RBM28: variants seen among roughly 807,000 people sequenced by gnomAD.
RBM28 encodes RNA binding motif protein 28.
Under a neutral mutation model 98.3 loss-of-function variants are expected in RBM28, and 78 were observed. That is an observed-to-expected ratio of 0.79 (90% CI 0.66 to 0.96). The LOEUF (loss-of-function observed/expected upper bound fraction) is 0.96, where lower values mean the gene tolerates loss of function less well. RBM28 is among the 40% of genes least tolerant of loss of function. The pLI is 0.00. For synonymous variants in RBM28, 306 were observed against 330.9 expected (o/e 0.92, Z 0.82); for missense variants, 838 against 913.0 (o/e 0.92, Z 1.06).
rs1430829479 is a variant in RBM28, at chr7:128,309,814, G to A, written c.*983C>T. The A allele has an allele frequency of 6.6e-6, 1 of 152,214 alleles. No homozygotes were observed. The highest frequency in any genetic ancestry group is 1.5e-5 in the Non-Finnish European group (1 of 68,126). The allele number at this position is 152,214 out of a possible 1,614,324, so 9.4% of individuals were successfully genotyped here. ...AAGGGAAAAACTCTCCAGGCAAAGG[G>A]AACGGATACAAAGGCTCTGAGGTGG... On this transcript the variant is annotated 3_prime_UTR_variant, in exon 19 of 19. Coordinates refer to ENST00000223073, the MANE Select transcript of RBM28 (RefSeq NM_018077.3).
intron 9 of RBM28, among the ~76,000 whole-genome samples, chr7:128,331,393 C>A (rs1418575836): frequency 6.6e-6 from 1 of 151,646 alleles, no homozygotes; most frequent in African/African-American, 2.4e-5. Flanking sequence ...CACCTAGGGC[C>A]CCAGAACTGC....
chr7:128,343,204 G>A lies in RBM28; in HGVS notation c.118+472C>T, dbSNP rs544727172. On this transcript the variant is annotated intron_variant, in intron 1 of 18. Coordinates refer to ENST00000223073, the MANE Select transcript of RBM28 (RefSeq NM_018077.3). ...TGAATGAACAAGTGGATAGCATCCT[G>A]GCTAAGATGTCCAGGTCTGAGGATC... is the stretch of plus-strand genomic sequence containing the variant. Among the ~76,000 whole-genome samples, 19 of 152,290 alleles carry A rather than the reference G, an allele frequency of 1.2e-4. No homozygotes were observed. In the East Asian group the frequency reaches 2.9e-3, roughly 23 times the overall value.
chr7:128,341,549 G>A (rs1165388664), intron 1 of RBM28, among the ~76,000 whole-genome samples: 5 of 152,032 alleles, frequency 3.3e-5, no homozygotes, highest in Admixed American at 1.3e-4. Flanking sequence ...CCTCCCTCCC[G>A]TTTCACTGAG....
At chr7:128,331,563 A>AT (rs1400169111) in intron 9 of RBM28, among the ~76,000 whole-genome samples, 2 of 152,132 alleles carry the variant, frequency 1.3e-5, no homozygotes, top group Non-Finnish European at 2.9e-5. Flanking sequence ...TTAATTAGCC[A>AT]TTTTTTCCTC....
intron 10 of RBM28, among the ~76,000 whole-genome samples, chr7:128,329,747 G>A (rs1796432316): frequency 6.6e-6 from 1 of 151,974 alleles, no homozygotes. Flanking sequence ...AAATTAGCCG[G>A]GTGCAGTGGT....
chr7:128,337,359 G>A (rs1448131134), intron 5 of RBM28, among the ~76,000 whole-genome samples, 157 bp from the exon 6 acceptor site: 1 of 152,166 alleles, frequency 6.6e-6, no homozygotes, highest in Non-Finnish European at 1.5e-5. Context: ...CCTAGTCACT[G>A]CCTACTCCTT....
At position 128,337,201 on chromosome 7, in the gene RBM28, G is replaced by T; in HGVS notation, c.543C>A (p.Gly181=). 2 of 1,614,048 alleles carry T rather than the reference G, an allele frequency of 1.2e-6. No individual in the cohort carries two copies. Among genetic ancestry groups the T allele is most frequent in the Non-Finnish European group, 1.7e-6 (2 of 1,179,982 alleles). ...CGGCCCAATCCACAGCCACTGTCCG[G>T]CCTGTCAAGCAGAAAAGTGGCATCA... is the stretch of plus-strand genomic sequence containing the variant. ...LKGMNMKEIK[G]RTVAVDWAVA... is the part of the protein sequence containing the mutation. Residue 181 remains glycine, a splice_region_variant and synonymous_variant, in exon 6 of 19, where the codon GGC becomes GGA. Transcript: ENST00000223073.
At chr7:128,312,708 G>A (rs191111162) in intron 18 of RBM28, among the ~76,000 whole-genome samples, 3 of 152,188 alleles carry the variant, frequency 2.0e-5, no homozygotes, top group Admixed American at 6.5e-5. Context: ...ATTTTTTTCA[G>A]GCAATTTGGC....
chr7:128,323,650 G>T, intron 12 of RBM28, 59 bp from the exon 13 acceptor site: 1 of 1,582,050 alleles, frequency 6.3e-7, no homozygotes, highest in South Asian at 1.1e-5. Flanking sequence ...TGAGCAACAA[G>T]AGGAATGTGA....
intron 8 of RBM28, 131 bp from the exon 9 acceptor site, chr7:128,333,493 T>G (rs568298651): frequency 2.2e-5 from 16 of 731,680 alleles, no homozygotes; most frequent in Non-Finnish European, 3.3e-5. Context: ...CCAGGCGGGC[T>G]GATCACCTGA....
At position 128,318,057 on chromosome 7, in the gene RBM28, T is replaced by C. The variant is rs1796143246; in HGVS notation, c.1613A>G (p.Gln538Arg). The change falls in exon 15 of 19, where the codon CAG becomes CGG. Residue 538 changes from glutamine to arginine, a missense_variant. Transcript: ENST00000223073. ...CTCCGCAAAGGCGTAGCCCAGGGAC[T>C]GACCCTTCATGTTCCCATGAACTCC... The part of the protein sequence containing the change: ...LKGVHGNMKG[Q>R]SLGYAFAEFQ... 2 of 1,613,866 alleles carry C rather than the reference T, an allele frequency of 1.2e-6. No homozygotes were observed. The highest frequency in any genetic ancestry group is 2.2e-5 in the East Asian group (1 of 44,902).
chr7:128,319,025 C>T (rs1248744357), intron 14 of RBM28, among the ~76,000 whole-genome samples: 2 of 152,186 alleles, frequency 1.3e-5, no homozygotes, highest in Admixed American at 1.3e-4. Flanking sequence ...TCCCTTAAAT[C>T]CTTAAGCCAG....
At position 128,303,617 on chromosome 7, in the gene RBM28, T is replaced by C. The variant is rs1172735928; in HGVS notation, c.*7180A>G. On this transcript the variant is annotated 3_prime_UTR_variant, in exon 19 of 19. Coordinates refer to ENST00000223073, the MANE Select transcript of RBM28 (RefSeq NM_018077.3). ...CACCCACAGGCAGCTGCTCCAGGTG[T>C]CGTTTAAGGGCTCCAAATTCCTTCC... is the stretch of plus-strand genomic sequence containing the variant. The C allele has an allele frequency of 1.3e-5, 2 of 152,200 alleles. No individual in the cohort carries two copies. Among genetic ancestry groups the C allele is most frequent in the African/African-American group, 4.8e-5 (2 of 41,424 alleles). 9.4% of individuals were successfully genotyped at this position (152,200 alleles called of 1,614,324 possible).
intron 8 of RBM28, 46 bp from the exon 9 acceptor site, chr7:128,333,408 C>A: frequency 6.9e-7 from 1 of 1,450,808 alleles, no homozygotes; most frequent in Non-Finnish European, 9.7e-7. Flanking sequence ...TTAGTGTAAG[C>A]CACATGACAA....
chr7:128,300,883 C>T lies in RBM28; in HGVS notation c.*9914G>A, dbSNP rs1456439530. ...CTTCACAGCGCTCCACCCCTAGGGC[C>T]TGCTTAAATGGCACAGCCAGCTCCT... On this transcript the variant is annotated 3_prime_UTR_variant, in exon 19 of 19. Transcript: ENST00000223073. The T allele has an allele frequency of 1.3e-5, 2 of 152,388 alleles. No homozygotes were observed. Among genetic ancestry groups the T allele is most frequent in the African/African-American group, 4.8e-5 (2 of 41,464 alleles). 9.4% of individuals were successfully genotyped at this position (152,388 alleles called of 1,614,324 possible). A position where few individuals can be genotyped will look rare whatever the true frequency, so the allele number is the denominator to read the frequency against.
At chr7:128,318,176 A>G in intron 14 of RBM28, 70 bp from the exon 15 acceptor site, 1 of 1,447,386 alleles carries the variant, frequency 6.9e-7, no homozygotes, top group South Asian at 1.2e-5. Flanking sequence ...AACTGCTTTA[A>G]TAGAGTCAAT....
intron 12 of RBM28, 94 bp downstream of exon 12, chr7:128,324,465 A>G: frequency 6.4e-7 from 1 of 1,573,934 alleles, no homozygotes; most frequent in South Asian, 1.1e-5. Context: ...TGGGTTTTTA[A>G]TTTGAAACAT....
In RBM28 at chr7:128,302,410, A is replaced by C. The variant is rs1182317920; in HGVS notation, c.*8387T>G. On this transcript the variant is annotated 3_prime_UTR_variant, in exon 19 of 19. Coordinates refer to ENST00000223073, the MANE Select transcript of RBM28 (RefSeq NM_018077.3). ...CTTTAATAGCTCTCGTCAAATTGCC[A>C]CAGCTCTCCCCAGAGATTTTCATGG... 6.6e-6 allele frequency: 1 copy of C among 152,236 alleles called. No homozygotes were observed. The highest frequency in any genetic ancestry group is 1.5e-5 in the Non-Finnish European group (1 of 68,046). The allele number at this position is 152,236 out of a possible 1,614,324, so 9.4% of individuals were successfully genotyped here.
chr7:128,323,664 G>A, intron 12 of RBM28, 73 bp from the exon 13 acceptor site: 1 of 1,547,998 alleles, frequency 6.5e-7, no homozygotes, highest in Middle Eastern at 1.7e-4. Flanking sequence ...AATGTGATTT[G>A]AATGATGCAA....
Sources: gnomAD v4.1 joint callset for allele counts (sites outside exome capture counted in the v4.1 genomes callset) on GRCh38, gnomAD v4.1.1 for gene constraint, MANE v1.5 for transcripts, NCBI Gene and HGNC (gene_info 2026-07-23, HGNC 2026-07-21) for gene names.